Variants in TMCO4 observed in about 807,000 individuals in gnomAD.
TMCO4 encodes the protein transmembrane and coiled-coil domains 4.
TMCO4 carries 58 observed loss-of-function variants against 64.7 expected under a neutral mutation model. The observed-to-expected ratio is 0.90, with a 90% confidence interval of 0.73 to 1.12. TMCO4 has a LOEUF of 1.12. Among genes scored for constraint, TMCO4 ranks in the 50% most tolerant of loss-of-function variants. The pLI, the probability that TMCO4 is intolerant of heterozygous loss-of-function variation, is 0.00. For missense variants in TMCO4, 780 were observed against 825.9 expected, an observed-to-expected ratio of 0.94 and a Z score of 0.68; for synonymous variants, 325 against 346.1, an observed-to-expected ratio of 0.94 and a Z score of 0.68.
chr1:19,771,303 T>A lies in TMCO4; in HGVS notation c.354+5A>T, dbSNP rs1432543702. ...CCAGCAGCCACCACCAGGTGTTGGG[T>A]GTACCTGAGTGATCACCGTCGGGTC... On this transcript the variant is annotated splice_donor_5th_base_variant and intron_variant, in intron 5 of 15. Coordinates refer to ENST00000294543, the MANE Select transcript of TMCO4 (RefSeq NM_181719.7). 2 of 1,613,000 alleles carry A rather than the reference T, an allele frequency of 1.2e-6. No homozygotes were observed. Among genetic ancestry groups the A allele is most frequent in the Non-Finnish European group, 1.7e-6 (2 of 1,179,338 alleles).
chr1:19,766,489 G>A (rs1019284642), intron 6 of TMCO4, among the ~76,000 whole-genome samples: 1 of 152,148 alleles, frequency 6.6e-6, no homozygotes, highest in Non-Finnish European at 1.5e-5. Flanking sequence ...AAGGTCACAC[G>A]CAAGAGTCTC....
chr1:19,735,646 T>C (rs2095450837), intron 13 of TMCO4, among the ~76,000 whole-genome samples: 1 of 152,210 alleles, frequency 6.6e-6, no homozygotes, highest in Non-Finnish European at 1.5e-5. Context: ...CACTTCCGGT[T>C]ACCACAGCCA....
At chr1:19,750,397 T>C (rs1464025199) in intron 7 of TMCO4, 1 of 152,232 alleles carries the variant, frequency 6.6e-6, no homozygotes. Flanking sequence ...AAGAGGTGTT[T>C]GAGCTCAGCT....
intron 15 of TMCO4, among the ~76,000 whole-genome samples, chr1:19,684,773 A>G (rs1364441268): frequency 1.3e-5 from 2 of 152,178 alleles, no homozygotes; most frequent in Non-Finnish European, 2.9e-5. Context: ...TTGAAGCGGT[A>G]GTGTGATGTG....
chr1:19,754,632 T>G (rs746827842), intron 7 of TMCO4, among the ~76,000 whole-genome samples: 6 of 152,278 alleles, frequency 3.9e-5, no homozygotes, highest in Non-Finnish European at 7.4e-5. Flanking sequence ...GGGATTAGGC[T>G]GTGACTGAAA....
chr1:19,712,247 T>C (rs12759485), intron 13 of TMCO4, among the ~76,000 whole-genome samples: 44,696 of 152,160 alleles, frequency 0.29, 6,815 homozygotes, highest in Middle Eastern at 0.37. Context: ...CCGTCTTATA[T>C]GGACAATGTT....
In TMCO4 at chr1:19,691,924, C is replaced by T. The variant is rs188754703; in HGVS notation, c.1500+2510G>A. On this transcript the variant is annotated intron_variant, in intron 15 of 15. Transcript: ENST00000294543. ...GATCCAATGGTTTTATAAGGAGAAA[C>T]CCCTTTCACTTGGTTCTCTTCTCTG... Among the ~76,000 whole-genome samples, 75 of 152,250 alleles carry T rather than the reference C, an allele frequency of 4.9e-4. 1 individual carries two copies. Among genetic ancestry groups the T allele is most frequent in the Non-Finnish European group, 1.1e-3 (73 of 68,016 alleles).
At position 19,745,697 on chromosome 1, in the gene TMCO4, C is replaced by T. The variant is rs202012076; in HGVS notation, c.758-46G>A. On this transcript the variant is annotated intron_variant, in intron 9 of 15. Transcript: ENST00000294543. ...AAGAGAATGGAGGTGACTGGGGCCC[C>T]GGGGAACATCAGGGTGGCTGTATGT... The T allele has an allele frequency of 1.2e-5, 18 of 1,563,680 alleles. 1 individual carries two copies. In the African/African-American group the frequency reaches 1.5e-4, roughly 13 times the overall value.
At chr1:19,684,946 G>A (rs1369864221) in intron 15 of TMCO4, among the ~76,000 whole-genome samples, 1 of 152,150 alleles carries the variant, frequency 6.6e-6, no homozygotes, top group Non-Finnish European at 1.5e-5. Context: ...AGGGAAATTT[G>A]GTCCTTGAAG....
rs147516234 is a variant in TMCO4, at chr1:19,689,341, A to G, written c.1500+5093T>C. ...ATTAGGCAGGAGCTGGGAAGCTGCCACGAAGACAGCCTGAGGAGGGAGCGG... is the reference window on the plus strand; with the variant it reads ...ATTAGGCAGGAGCTGGGAAGCTGCCGCGAAGACAGCCTGAGGAGGGAGCGG... On this transcript the variant is annotated intron_variant, in intron 15 of 15. Transcript: ENST00000294543. Among the ~76,000 whole-genome samples the G allele has an allele frequency of 4.1e-4, 63 of 152,362 alleles. 1 individual carries two copies. Among genetic ancestry groups the G allele is most frequent in the African/African-American group, 1.4e-3 (58 of 41,598 alleles).
chr1:19,685,286 G>A (rs1013167208), intron 15 of TMCO4, among the ~76,000 whole-genome samples: 3 of 152,148 alleles, frequency 2.0e-5, no homozygotes, highest in African/African-American at 7.2e-5. Flanking sequence ...TGATTGTGCC[G>A]CTGCACTCCA....
intron 13 of TMCO4, among the ~76,000 whole-genome samples, chr1:19,715,667 C>A (rs2095352258): frequency 6.6e-6 from 1 of 152,234 alleles, no homozygotes; most frequent in Non-Finnish European, 1.5e-5. Context: ...TAACTCTCCC[C>A]AGCAAGCACC....
At chr1:19,696,790 A>C (rs1239687590) in intron 14 of TMCO4, among the ~76,000 whole-genome samples, 1 of 152,206 alleles carries the variant, frequency 6.6e-6, no homozygotes, top group African/African-American at 2.4e-5. Context: ...ATTTTAGTTA[A>C]AATGTGAATT....
chr1:19,793,931 G>C (rs12567707), intron 2 of TMCO4, among the ~76,000 whole-genome samples: 1,551 of 152,196 alleles, frequency 0.01, 18 homozygotes, highest in South Asian at 0.03. Flanking sequence ...TGCCATCTCA[G>C]AGTCAGGCCA....
At chr1:19,745,058 G>A (rs2041704920) in intron 10 of TMCO4, among the ~76,000 whole-genome samples, 2 of 151,866 alleles carry the variant, frequency 1.3e-5, no homozygotes. Context: ...GTGGGTGGGT[G>A]GATGGGTGGA....
rs2095460031 is a variant in TMCO4 at position 19,737,436 on chromosome 1, C to A, written c.1200G>T (p.Leu400Phe). ...CTCTGGCTCCCAGGCTGAAGCCAAT[C>A]AAGGTGACAGGTCGTCGCCCCTGAA... Reference protein sequence around the residue: ...SRQQGRRPVTLIGFSLGARVI... With the variant: ...SRQQGRRPVTFIGFSLGARVI... The change falls in exon 13 of 16, where the codon TTG (leucine) becomes TTT (phenylalanine). Residue 400 changes from leucine to phenylalanine, a missense_variant. By Grantham distance (22) the Leu-to-Phe change is conservative. Coordinates refer to ENST00000294543, the MANE Select transcript of TMCO4 (RefSeq NM_181719.7). 6.2e-7 allele frequency: 1 copy of A among 1,613,902 alleles called. No homozygotes were observed. The highest frequency in any genetic ancestry group is 1.3e-5 in the African/African-American group (1 of 74,920).
intron 13 of TMCO4, among the ~76,000 whole-genome samples, chr1:19,729,885 C>T (rs1178415307): frequency 6.6e-6 from 1 of 152,162 alleles, no homozygotes; most frequent in Non-Finnish European, 1.5e-5. Flanking sequence ...GATTATTATG[C>T]ATTGCATGCC....
At chr1:19,781,610 G>C (rs1279065136) in intron 3 of TMCO4, among the ~76,000 whole-genome samples, 1 of 151,640 alleles carries the variant, frequency 6.6e-6, no homozygotes, top group Non-Finnish European at 1.5e-5. Context: ...AATACCAAGT[G>C]CTGGTGAGGA....
chr1:19,700,422 C>G (rs762755327), intron 14 of TMCO4, among the ~76,000 whole-genome samples: 14 of 152,170 alleles, frequency 9.2e-5, no homozygotes, highest in Non-Finnish European at 1.9e-4. Context: ...TCCCTGTGGC[C>G]CAATCTTTGT....
Sources: allele counts gnomAD v4.1 joint callset (sites outside exome capture counted in the v4.1 genomes callset), GRCh38; gene constraint gnomAD v4.1.1; transcripts MANE v1.5; gene names NCBI Gene and HGNC (gene_info 2026-07-23, HGNC 2026-07-21).